The following FHIT variants were observed in gnomAD, a reference collection of about 807,000 sequenced individuals.
FHIT encodes bis(5'-adenosyl)-triphosphatase.
Under a neutral mutation model 17.9 loss-of-function variants are expected in FHIT, and 19 were observed. The observed-to-expected ratio is 1.06, with a 90% CI of 0.74 to 1.56. The LOEUF is 1.56. Among genes scored for constraint, FHIT ranks in the 40% most tolerant of loss-of-function variants. FHIT has a pLI of 0.00. For missense variants in FHIT, 248 were observed against 189.2 expected, an observed-to-expected ratio of 1.31 and a Z score of -1.82; for synonymous variants, 81 against 69.7, an observed-to-expected ratio of 1.16 and a Z score of -0.81.
intron 2 of FHIT, among the ~76,000 whole-genome samples, chr3:61,043,208 G>A (rs769745098): frequency 6.6e-6 from 1 of 152,166 alleles, no homozygotes; most frequent in Non-Finnish European, 1.5e-5. Context: ...CCTAGCCAAG[G>A]GAAGCTGTGA....
At chr3:61,167,754 A>C (rs1257286578) in intron 2 of FHIT, among the ~76,000 whole-genome samples, 3 of 152,172 alleles carry the variant, frequency 2.0e-5, no homozygotes, top group Non-Finnish European at 1.5e-5. Context: ...CAAGAGGTGG[A>C]AAGGAACAGG....
chr3:61,045,040 A>G (rs2033715767), intron 2 of FHIT, among the ~76,000 whole-genome samples: 1 of 152,244 alleles, frequency 6.6e-6, no homozygotes, highest in Admixed American at 6.5e-5. Flanking sequence ...GCCACACTAT[A>G]AAGACCATCA....
intron 3 of FHIT, among the ~76,000 whole-genome samples, chr3:60,855,000 G>C (rs1703324301): frequency 6.6e-6 from 1 of 152,128 alleles, no homozygotes; most frequent in African/African-American, 2.4e-5. Flanking sequence ...GATCTCTTTT[G>C]TGCCAGGGAA....
intron 2 of FHIT, among the ~76,000 whole-genome samples, chr3:61,118,673 T>A (rs1020715072): frequency 2.0e-5 from 3 of 152,170 alleles, no homozygotes; most frequent in African/African-American, 7.2e-5. Flanking sequence ...AGCATGTAAC[T>A]TAGATTGTCA....
At chr3:60,044,569 A>T (rs1559578136) in intron 5 of FHIT, among the ~76,000 whole-genome samples, 1 of 152,160 alleles carries the variant, frequency 6.6e-6, no homozygotes, top group Non-Finnish European at 1.5e-5. Flanking sequence ...AGAGGAGGAG[A>T]AAGAACAACA....
chr3:60,087,879 C>T (rs1278191045), intron 5 of FHIT, among the ~76,000 whole-genome samples: 1 of 152,178 alleles, frequency 6.6e-6, no homozygotes, highest in African/African-American at 2.4e-5. Flanking sequence ...CTGCCCATTA[C>T]CCCCAACCAC....
intron 5 of FHIT, among the ~76,000 whole-genome samples, chr3:60,275,812 TCAGTCCTATCCTACACAA>T (rs1216290120): frequency 1.3e-5 from 2 of 152,186 alleles, no homozygotes; most frequent in African/African-American, 4.8e-5. Flanking sequence ...TCTTTCGGCA[TCAGTCCTATCCTACACAA>T]TAATGCCTTG....
At chr3:60,030,781 A>G (rs1308916656) in intron 5 of FHIT, among the ~76,000 whole-genome samples, 1 of 152,148 alleles carries the variant, frequency 6.6e-6, no homozygotes, top group Non-Finnish European at 1.5e-5. Flanking sequence ...GTTTGAAAAA[A>G]TGTCTAAGGG....
intron 4 of FHIT, among the ~76,000 whole-genome samples, chr3:60,588,395 ACT>A (rs1333829874): frequency 6.6e-6 from 1 of 152,000 alleles, no homozygotes; most frequent in Non-Finnish European, 1.5e-5. Flanking sequence ...GAAAAATGCC[ACT>A]CTCTAAAATT....
chr3:60,519,906 C>CTGAT (rs1362007595), intron 5 of FHIT, among the ~76,000 whole-genome samples: 1 of 151,790 alleles, frequency 6.6e-6, no homozygotes, highest in East Asian at 1.9e-4. Flanking sequence ...CTGGAGTGAC[C>CTGAT]ATCAGCTCAG....
At chr3:60,185,820 C>T (rs1186150695) in intron 5 of FHIT, among the ~76,000 whole-genome samples, 2 of 152,104 alleles carry the variant, frequency 1.3e-5, no homozygotes, top group Non-Finnish European at 2.9e-5. Context: ...TGCTCTACAT[C>T]CTCCCTATTA....
chr3:61,123,064 T>C (rs1435562894), intron 2 of FHIT, among the ~76,000 whole-genome samples: 3 of 152,034 alleles, frequency 2.0e-5, no homozygotes, highest in African/African-American at 4.8e-5. Flanking sequence ...GTATGTTCAA[T>C]TGCAGCTGTT....
chr3:60,842,645 A>ATT (rs1170383044), intron 3 of FHIT, among the ~76,000 whole-genome samples: 6 of 94,586 alleles, frequency 6.3e-5, no homozygotes, highest in African/African-American at 2.1e-4. Context: ...ATATATATAT[A>ATT]TTTTTTTTTT....
chr3:60,365,157 A>G (rs1700056796), intron 5 of FHIT, among the ~76,000 whole-genome samples: 1 of 149,112 alleles, frequency 6.7e-6, no homozygotes, highest in Admixed American at 6.7e-5. Flanking sequence ...TATATTATAT[A>G]TGTATTTAAT....
chr3:60,270,946 G>T (rs1256410484), intron 5 of FHIT, among the ~76,000 whole-genome samples: 1 of 152,118 alleles, frequency 6.6e-6, no homozygotes, highest in African/African-American at 2.4e-5. Context: ...ACTTTCAAAG[G>T]TCTCAAACTA....
At chr3:60,926,172 C>T (rs1287320577) in intron 3 of FHIT, among the ~76,000 whole-genome samples, 1 of 152,060 alleles carries the variant, frequency 6.6e-6, no homozygotes. Flanking sequence ...ACAAGGATAT[C>T]CAGGAATTGA....
rs113002864 is a variant in FHIT, at chr3:60,359,367, G to A, written c.103+177493C>T. On this transcript the variant is annotated intron_variant, in intron 5 of 9. Transcript: ENST00000492590. ...GTGATCTTGGCTCAATGCAACCTCC[G>A]CCTCCTGGGTTCAAGCGATTCTCCT... Among the ~76,000 whole-genome samples the A allele has an allele frequency of 6.2e-3, 819 of 132,430 alleles. 5 individuals are homozygous for A. Among genetic ancestry groups the A allele is most frequent in the South Asian group, 0.026 (101 of 3,880 alleles). The allele number at this position is 132,430 out of a possible 152,430, so 86.9% of individuals were successfully genotyped here.
chr3:60,580,991 T>G (rs1473521641), intron 4 of FHIT, among the ~76,000 whole-genome samples: 1 of 152,076 alleles, frequency 6.6e-6, no homozygotes, highest in East Asian at 1.9e-4. Flanking sequence ...TCTGGGGCGG[T>G]GGCTGAGATT....
At chr3:61,199,001 C>T (rs1001599024) in intron 2 of FHIT, among the ~76,000 whole-genome samples, 2 of 152,066 alleles carry the variant, frequency 1.3e-5, no homozygotes, top group Admixed American at 6.6e-5. Flanking sequence ...ACTTCTAAGT[C>T]CTTGACACAG....
Sources: gnomAD v4.1 joint callset for allele counts (sites outside exome capture counted in the v4.1 genomes callset) on GRCh38, gnomAD v4.1.1 for gene constraint, MANE v1.5 for transcripts, NCBI Gene and HGNC (gene_info 2026-07-23, HGNC 2026-07-21) for gene names.